Variants in ROBO2 observed in about 807,000 individuals in gnomAD.
ROBO2 encodes the protein roundabout homolog 2.
In ROBO2, 53 loss-of-function variants were observed where a neutral mutation model predicts 160.8. The observed-to-expected ratio is 0.33, with a 90% CI of 0.26 to 0.41. The LOEUF (loss-of-function observed/expected upper bound fraction) is 0.41. ROBO2 is among the 10% of genes least tolerant of loss of function. ROBO2 has a pLI of 1.00. For synonymous variants in ROBO2, 664 were observed against 611.7 expected, an observed-to-expected ratio of 1.09 and a Z score of -1.26; for missense variants, 1,577 against 1,722.4, an observed-to-expected ratio of 0.92 and a Z score of 1.49.
At chr3:76,959,824 G>A (rs1321659094) in intron 2 of ROBO2, among the ~76,000 whole-genome samples, 1 of 152,020 alleles carries the variant, frequency 6.6e-6, no homozygotes, top group Non-Finnish European at 1.5e-5. Context: ...TTGTTAGCTT[G>A]TAAGAATAAA....
At chr3:77,637,643 A>G (rs1384273434) in intron 24 of ROBO2, among the ~76,000 whole-genome samples, 2 of 152,170 alleles carry the variant, frequency 1.3e-5, no homozygotes, top group African/African-American at 2.4e-5. Flanking sequence ...CTGAATTGCT[A>G]GGTATAAATC....
intron 2 of ROBO2, among the ~76,000 whole-genome samples, chr3:76,336,306 A>G (rs901198679): frequency 2.6e-5 from 4 of 152,240 alleles, no homozygotes; most frequent in Admixed American, 6.5e-5. Context: ...TTCATTTTCT[A>G]TAAGACTTAG....
intron 2 of ROBO2, among the ~76,000 whole-genome samples, chr3:76,743,531 C>A (rs1216764265): frequency 1.3e-5 from 2 of 151,924 alleles, no homozygotes; most frequent in Non-Finnish European, 2.9e-5. Context: ...CAACTATAGA[C>A]ATATTTTTAA....
At chr3:75,970,261 A>G (rs1181870022) in intron 2 of ROBO2, among the ~76,000 whole-genome samples, 1 of 151,554 alleles carries the variant, frequency 6.6e-6, no homozygotes, top group Non-Finnish European at 1.5e-5. Context: ...TCTTTAATAG[A>G]CATATCCAAT....
At chr3:77,521,557 T>C (rs1413317939) in intron 5 of ROBO2, among the ~76,000 whole-genome samples, 1 of 151,252 alleles carries the variant, frequency 6.6e-6, no homozygotes, top group African/African-American at 2.4e-5. Context: ...ACTTATGACA[T>C]ATTTAATAAG....
chr3:77,453,984 A>G (rs990854256), intron 2 of ROBO2, among the ~76,000 whole-genome samples: 12 of 152,080 alleles, frequency 7.9e-5, no homozygotes, highest in Admixed American at 4.6e-4. Context: ...CCCCCGTTCA[A>G]TCAGCACATC....
At chr3:76,804,672 C>T (rs139353732) in intron 2 of ROBO2, among the ~76,000 whole-genome samples, 2 of 152,170 alleles carry the variant, frequency 1.3e-5, no homozygotes, top group Non-Finnish European at 2.9e-5. Context: ...AATATATCAT[C>T]TTTTCTTCCC....
At chr3:75,993,217 A>G (rs2065624475) in intron 2 of ROBO2, among the ~76,000 whole-genome samples, 2 of 152,056 alleles carry the variant, frequency 1.3e-5, no homozygotes, top group Non-Finnish European at 2.9e-5. Context: ...TTCCACCCAA[A>G]TCTCATCTGA....
intron 2 of ROBO2, among the ~76,000 whole-genome samples, chr3:76,829,751 C>T (rs1279854736): frequency 6.6e-6 from 1 of 151,896 alleles, no homozygotes; most frequent in Non-Finnish European, 1.5e-5. Flanking sequence ...TCACTGCAAC[C>T]TCTGCCTCCC....
In ROBO2 at chr3:76,716,394, T is replaced by G. The variant is rs72890243; in HGVS notation, c.110-381620T>G. 7.4e-3 allele frequency among the ~76,000 whole-genome samples: 1,122 copies of G among 152,294 alleles called. 12 individuals carry two copies. The highest frequency in any genetic ancestry group is 0.025 in the African/African-American group (1,052 of 41,560). Reference sequence around the variant, plus strand: ...TTTCTCACCCATCTTTTCCTTATCTTTTTTCTTTATTCTTCACAGGTAATA... The same window carrying G: ...TTTCTCACCCATCTTTTCCTTATCTGTTTTCTTTATTCTTCACAGGTAATA... On this transcript the variant is annotated intron_variant, in intron 2 of 26. Coordinates refer to the ROBO2 transcript ENST00000487694.
intron 2 of ROBO2, among the ~76,000 whole-genome samples, chr3:76,728,206 A>G (rs2093582918): frequency 1.3e-5 from 2 of 152,162 alleles, no homozygotes; most frequent in African/African-American, 4.8e-5. Context: ...CAATTTTAGA[A>G]ACATATTCAT....
intron 2 of ROBO2, among the ~76,000 whole-genome samples, chr3:76,998,226 G>C (rs1009624735): frequency 6.6e-6 from 1 of 152,114 alleles, no homozygotes; most frequent in Non-Finnish European, 1.5e-5. Context: ...AGGACAAATT[G>C]ATTGATACTT....
intron 1 of ROBO2, chr3:77,092,235 A>T (rs1476585088): frequency 6.6e-6 from 1 of 151,442 alleles, no homozygotes; most frequent in Non-Finnish European, 1.5e-5. Flanking sequence ...TTTTCTGCTG[A>T]AATTATGACT....
At chr3:76,953,627 G>A (rs2149191860) in intron 2 of ROBO2, among the ~76,000 whole-genome samples, 1 of 152,292 alleles carries the variant, frequency 6.6e-6, no homozygotes, top group African/African-American at 2.4e-5. Flanking sequence ...ATCTTTGGCA[G>A]CAGAATGATC....
chr3:76,954,727 A>G (rs1344224758), intron 2 of ROBO2, among the ~76,000 whole-genome samples: 1 of 152,230 alleles, frequency 6.6e-6, no homozygotes, highest in Non-Finnish European at 1.5e-5. Context: ...ATGAAAAAAG[A>G]ACACAATTAT....
At chr3:76,479,989 T>G (rs2079125672) in intron 2 of ROBO2, among the ~76,000 whole-genome samples, 1 of 151,530 alleles carries the variant, frequency 6.6e-6, no homozygotes, top group Non-Finnish European at 1.5e-5. Context: ...AGAGCCAAAA[T>G]AAAGAACAAC....
At chr3:76,798,169 AGG>A (rs1491115613) in intron 2 of ROBO2, among the ~76,000 whole-genome samples, 65 of 137,794 alleles carry the variant, frequency 4.7e-4, no homozygotes, top group African/African-American at 1.6e-3. Flanking sequence ...AAAGAAAGAA[AGG>A]GAGAGAAAGA....
At chr3:75,948,090 GC>G (rs1948388376) in intron 2 of ROBO2, among the ~76,000 whole-genome samples, 1 of 152,058 alleles carries the variant, frequency 6.6e-6, no homozygotes, top group Admixed American at 6.6e-5. Flanking sequence ...GCCCCAGGTA[GC>G]CTTGGCAAGG....
At chr3:76,405,992 TTAA>T (rs1423700550) in intron 2 of ROBO2, among the ~76,000 whole-genome samples, 2 of 151,750 alleles carry the variant, frequency 1.3e-5, no homozygotes, top group Non-Finnish European at 2.9e-5. Flanking sequence ...TATAAGCTTT[TTAA>T]TAATGAGTAT....
Sources: allele counts gnomAD v4.1 joint callset (sites outside exome capture counted in the v4.1 genomes callset), GRCh38; gene constraint gnomAD v4.1.1; transcripts MANE v1.5; gene names NCBI Gene and HGNC (gene_info 2026-07-23, HGNC 2026-07-21).